The following RTN3 variants were observed in gnomAD, a reference collection of about 807,000 sequenced individuals.
RTN3 encodes reticulon 3, also known as reticulon-3.
In RTN3, 49 loss-of-function variants were observed where a neutral mutation model predicts 77.8. That is an observed-to-expected ratio of 0.63 (90% CI 0.50 to 0.80). RTN3 has a LOEUF of 0.80. RTN3 is among the 30% of genes least tolerant of loss of function. The pLI is 0.00. For missense variants in RTN3, 1,236 were observed against 1,211.9 expected, an observed-to-expected ratio of 1.02 and a Z score of -0.29; for synonymous variants, 464 against 446.9, an observed-to-expected ratio of 1.04 and a Z score of -0.48.
At position 63,752,982 on chromosome 11, in the gene RTN3, C is replaced by G. The variant is rs2014183365; in HGVS notation, c.2878-87C>G. 23 of 1,260,464 alleles carry G rather than the reference C, an allele frequency of 1.8e-5. No homozygotes were observed. The South Asian group carries it at 3.0e-4, about 16-fold the overall frequency. The allele number at this position is 1,260,464 out of a possible 1,614,324, so 78.1% of individuals were successfully genotyped here. A position where few individuals can be genotyped will look rare whatever the true frequency, so the allele number is the denominator to read the frequency against. ...TCACACATCACTAAATTTATGCAGA[C>G]TTAATTAGCTGGAGGAGAATGACAT... On this transcript the variant is annotated intron_variant, in intron 5 of 8. Coordinates refer to ENST00000377819, the MANE Select transcript of RTN3 (RefSeq NM_001265589.2).
intron 3 of RTN3, among the ~76,000 whole-genome samples, chr11:63,734,770 CA>C (rs1565333377): frequency 7.1e-4 from 106 of 150,240 alleles, no homozygotes; most frequent in Middle Eastern, 7.0e-3. Flanking sequence ...CACACACACA[CA>C]CACACACACA....
intron 1 of RTN3, among the ~76,000 whole-genome samples, chr11:63,697,119 C>T (rs1394102867): frequency 1.4e-5 from 2 of 147,840 alleles, no homozygotes; most frequent in African/African-American, 2.5e-5. Context: ...CTCCTGACCT[C>T]GTGATCTGTC....
chr11:63,757,714 CTTTTTTTCTTTTTTTTT>C (rs893232590), intron 8 of RTN3, among the ~76,000 whole-genome samples: 16 of 128,996 alleles, frequency 1.2e-4, no homozygotes, highest in African/African-American at 4.0e-4. Flanking sequence ...TAACATTTTT[CTTTTTTTCTTTTTTTTT>C]TTTTTTTTGA....
intron 3 of RTN3, 125 bp downstream of exon 3, chr11:63,721,157 G>A: frequency 1.3e-6 from 1 of 779,140 alleles, no homozygotes. Context: ...ACAATATGCT[G>A]TATGATGGGA....
intron 3 of RTN3, among the ~76,000 whole-genome samples, chr11:63,734,914 C>T (rs1404866067): frequency 6.6e-6 from 1 of 152,062 alleles, no homozygotes; most frequent in African/African-American, 2.4e-5. Context: ...CCTAAGAAAT[C>T]CACAAAACAA....
chr11:63,704,925 T>C lies in RTN3; in HGVS notation c.199+18T>C. The stretch of plus-strand genomic sequence containing the variant: ...CTCACAAGGCAAGTCTGTAATTTTT[T>C]TGTGTGCATTGGTAAAAGAAAAATG... On this transcript the variant is annotated intron_variant, in intron 2 of 8. Coordinates refer to ENST00000377819, the MANE Select transcript of RTN3 (RefSeq NM_001265589.2). 6.3e-7 allele frequency: 1 copy of C among 1,586,136 alleles called. No individual in the cohort carries two copies.
intron 3 of RTN3, among the ~76,000 whole-genome samples, chr11:63,725,741 C>T (rs561053179): frequency 6.6e-6 from 1 of 152,288 alleles, no homozygotes; most frequent in South Asian, 2.1e-4. Flanking sequence ...CATGAGCCAC[C>T]GCGCCCGGCC....
chr11:63,726,769 G>A (rs2012298781), intron 3 of RTN3, among the ~76,000 whole-genome samples: 1 of 151,916 alleles, frequency 6.6e-6, no homozygotes, highest in Non-Finnish European at 1.5e-5. Flanking sequence ...GCTGAGGCAG[G>A]AGAATCGCTT....
At chr11:63,721,522 A>T (rs916883452) in intron 3 of RTN3, among the ~76,000 whole-genome samples, 3 of 150,182 alleles carry the variant, frequency 2.0e-5, no homozygotes, top group African/African-American at 2.5e-5. Flanking sequence ...TTGCAGTGAG[A>T]TGAGATCGCG....
intron 1 of RTN3, among the ~76,000 whole-genome samples, chr11:63,704,268 G>T (rs1393533096): frequency 6.6e-6 from 1 of 152,156 alleles, no homozygotes; most frequent in Non-Finnish European, 1.5e-5. Context: ...TTCCCAAAGT[G>T]CTGGTATTAC....
At chr11:63,711,353 G>A (rs1475371389) in intron 2 of RTN3, among the ~76,000 whole-genome samples, 1 of 151,538 alleles carries the variant, frequency 6.6e-6, no homozygotes, top group Non-Finnish European at 1.5e-5. Flanking sequence ...GTTCTCTTGT[G>A]GGGTTTTTGG....
intron 3 of RTN3, among the ~76,000 whole-genome samples, chr11:63,728,121 C>A (rs1177478601): frequency 6.6e-6 from 1 of 152,154 alleles, no homozygotes; most frequent in Non-Finnish European, 1.5e-5. Context: ...GGGATAAAAT[C>A]TAGGAGAGAT....
rs201122956 is a variant in RTN3, at chr11:63,738,228, CT to C, written c.2531-11755del. Among the ~76,000 whole-genome samples the C allele has an allele frequency of 4.0e-5, 6 of 151,812 alleles. No individual in the cohort carries two copies. The East Asian group carries it at 1.2e-3, about 29-fold the overall frequency. ...CCTTTTTGAGGTTATAAAACATGGC[CT>C]TTTTTTTCCTTTTAGTTATTTCAGG... On this transcript the variant is annotated intron_variant, in intron 3 of 8. Coordinates refer to ENST00000377819, the MANE Select transcript of RTN3 (RefSeq NM_001265589.2).
rs1443302786 is a variant in RTN3 at position 63,719,053 on chromosome 11, C to G, written c.551C>G (p.Thr184Ser). 1 of 1,613,976 alleles carries G rather than the reference C, an allele frequency of 6.2e-7. No homozygotes were observed. The highest frequency in any genetic ancestry group is 2.2e-5 in the East Asian group (1 of 44,896). Residue 184 changes from threonine to serine, a missense_variant, in exon 3 of 9, where the codon ACC becomes AGC. Coordinates refer to ENST00000377819, the MANE Select transcript of RTN3 (RefSeq NM_001265589.2). ...GTGGAAGAGCAAATAGATAAAGAGA[C>G]CAAGAACCCAAATGGGGTATCAAGT... ...GQVEEQIDKE[T>S]KNPNGVSSRE... is the part of the protein sequence containing the mutation.
At chr11:63,749,953 A>T (rs748939831) in intron 3 of RTN3, 38 bp from the exon 4 acceptor site, 1 of 1,449,414 alleles carries the variant, frequency 6.9e-7, no homozygotes, top group Non-Finnish European at 9.7e-7. Flanking sequence ...GTAGCTGTGG[A>T]TGTTTCTTAT....
intron 1 of RTN3, among the ~76,000 whole-genome samples, chr11:63,683,943 CTTTTTTTTTTTTTT>C (rs35837590): frequency 3.4e-5 from 2 of 58,952 alleles, no homozygotes; most frequent in African/African-American, 7.5e-5. Flanking sequence ...TCTTTTCTTT[CTTTTTTTTTTTTTT>C]TTTTTTTTTT....
At chr11:63,696,479 A>G (rs1429133141) in intron 1 of RTN3, among the ~76,000 whole-genome samples, 1 of 151,330 alleles carries the variant, frequency 6.6e-6, no homozygotes, top group African/African-American at 2.4e-5. Flanking sequence ...AGGCTAAGGT[A>G]GGAGGATGGC....
intron 2 of RTN3, among the ~76,000 whole-genome samples, chr11:63,706,349 C>T (rs1025656275): frequency 8.5e-5 from 13 of 152,100 alleles, no homozygotes; most frequent in Non-Finnish European, 1.8e-4. Flanking sequence ...GCCACCATGC[C>T]CTGCTAATTT....
intron 2 of RTN3, among the ~76,000 whole-genome samples, chr11:63,718,165 G>T (rs190105337): frequency 6.6e-6 from 1 of 152,062 alleles, no homozygotes; most frequent in African/African-American, 2.4e-5. Flanking sequence ...TTCAGGAAGG[G>T]CCCATTGCAT....
Sources: allele counts gnomAD v4.1 joint callset (sites outside exome capture counted in the v4.1 genomes callset), GRCh38; gene constraint gnomAD v4.1.1; transcripts MANE v1.5; gene names NCBI Gene and HGNC (gene_info 2026-07-23, HGNC 2026-07-21).